The following CPQ variants were observed in gnomAD, a reference collection of about 807,000 sequenced individuals.
The protein encoded by CPQ is carboxypeptidase Q.
In CPQ, 37 loss-of-function variants were observed where a neutral mutation model predicts 45.7. The ratio of observed to expected loss-of-function variants is 0.81; its 90% CI spans 0.62 to 1.07. CPQ has a LOEUF of 1.07. CPQ is among the 50% of genes least tolerant of loss of function. The pLI is 0.00. For missense variants in CPQ, 537 were observed against 572.9 expected (o/e 0.94, Z 0.64); for synonymous variants, 186 against 205.8 (o/e 0.90, Z 0.82).
intron 7 of CPQ, among the ~76,000 whole-genome samples, chr8:97,127,139 A>G (rs1439949500): frequency 6.6e-6 from 1 of 152,196 alleles, no homozygotes. Context: ...AAAGGAACTA[A>G]CCATTTAAAG....
intron 4 of CPQ, among the ~76,000 whole-genome samples, chr8:96,881,832 A>T (rs1370119155): frequency 6.6e-6 from 1 of 152,246 alleles, no homozygotes; most frequent in African/African-American, 2.4e-5. Context: ...AGTGTTTGGC[A>T]CATCACAGCT....
At chr8:96,772,968 C>T (rs945866684) in intron 1 of CPQ, among the ~76,000 whole-genome samples, 2 of 152,042 alleles carry the variant, frequency 1.3e-5, no homozygotes, top group Non-Finnish European at 2.9e-5. Context: ...AGCAGAAATG[C>T]CACCCCATTT....
At chr8:96,724,632 C>A (rs538166396) in intron 1 of CPQ, among the ~76,000 whole-genome samples, 1 of 152,104 alleles carries the variant, frequency 6.6e-6, no homozygotes, top group Non-Finnish European at 1.5e-5. Flanking sequence ...AAAAGCATTC[C>A]ATGCTCATGA....
At chr8:96,751,747 G>A (rs1586386774) in intron 1 of CPQ, among the ~76,000 whole-genome samples, 3 of 151,896 alleles carry the variant, frequency 2.0e-5, no homozygotes, top group South Asian at 4.1e-4. Flanking sequence ...CCTAGATTTT[G>A]TTCTAGGTTT....
chr8:96,729,572 ACAT>A (rs1809883919), intron 1 of CPQ, among the ~76,000 whole-genome samples: 1 of 152,212 alleles, frequency 6.6e-6, no homozygotes, highest in Non-Finnish European at 1.5e-5. Flanking sequence ...GTCCATATAC[ACAT>A]CATCTGGATT....
chr8:96,783,936 T>C (rs1465571474), intron 1 of CPQ, among the ~76,000 whole-genome samples: 2 of 152,180 alleles, frequency 1.3e-5, no homozygotes, highest in Admixed American at 6.6e-5. Flanking sequence ...TGGACTGGTA[T>C]GGCCCACAAA....
At chr8:97,022,137 G>A (rs1809698966) in intron 5 of CPQ, among the ~76,000 whole-genome samples, 3 of 152,148 alleles carry the variant, frequency 2.0e-5, no homozygotes, top group African/African-American at 7.2e-5. Flanking sequence ...GTTGGGAAAG[G>A]ACACCCTATT....
At chr8:96,815,365 T>C (rs1811214666) in intron 2 of CPQ, among the ~76,000 whole-genome samples, 1 of 152,050 alleles carries the variant, frequency 6.6e-6, no homozygotes, top group Admixed American at 6.6e-5. Context: ...CCAAACAACA[T>C]TGCTGTGATT....
intron 4 of CPQ, among the ~76,000 whole-genome samples, chr8:96,961,819 G>A (rs1220249734): frequency 6.6e-6 from 1 of 152,176 alleles, no homozygotes; most frequent in Non-Finnish European, 1.5e-5. Context: ...AGGGTGAAAT[G>A]TTCTTCAGTA....
intron 3 of CPQ, among the ~76,000 whole-genome samples, chr8:96,841,714 G>T (rs1586422389): frequency 6.6e-6 from 1 of 152,284 alleles, no homozygotes; most frequent in East Asian, 1.9e-4. Flanking sequence ...TGTATTGACA[G>T]AGTATAGTGA....
intron 3 of CPQ, among the ~76,000 whole-genome samples, chr8:96,863,290 C>G (rs1811953531): frequency 6.6e-6 from 1 of 151,952 alleles, no homozygotes; most frequent in African/African-American, 2.4e-5. Context: ...AAACAAATGT[C>G]AGGAGCTTGG....
At chr8:96,972,982 C>T (rs1173669339) in intron 5 of CPQ, among the ~76,000 whole-genome samples, 2 of 152,098 alleles carry the variant, frequency 1.3e-5, no homozygotes, top group Non-Finnish European at 2.9e-5. Flanking sequence ...GTTTCTTTTA[C>T]ATCCCCCAAA....
intron 3 of CPQ, among the ~76,000 whole-genome samples, chr8:96,855,502 T>C (rs936724534): frequency 6.6e-6 from 1 of 152,162 alleles, no homozygotes; most frequent in Non-Finnish European, 1.5e-5. Flanking sequence ...ATTCATCCAT[T>C]CATTCATTCA....
chr8:96,962,920 T>C (rs563011350), intron 4 of CPQ, among the ~76,000 whole-genome samples: 1 of 152,310 alleles, frequency 6.6e-6, no homozygotes, highest in Non-Finnish European at 1.5e-5. Context: ...TAAAAAAATA[T>C]ACTAAAACAA....
intron 7 of CPQ, among the ~76,000 whole-genome samples, chr8:97,097,270 T>C (rs1374465429): frequency 2.0e-5 from 3 of 152,206 alleles, no homozygotes; most frequent in Non-Finnish European, 4.4e-5. Context: ...CTGAAGTTGA[T>C]AGTGGCCAAC....
At chr8:96,726,775 G>GGTGGCTTTTT (rs1809847811) in intron 1 of CPQ, among the ~76,000 whole-genome samples, 1 of 152,086 alleles carries the variant, frequency 6.6e-6, no homozygotes, top group Non-Finnish European at 1.5e-5. Flanking sequence ...GAGTGGGACT[G>GGTGGCTTTTT]GTGGCTTTTT....
intron 1 of CPQ, among the ~76,000 whole-genome samples, chr8:96,766,736 G>A (rs1026628350): frequency 6.6e-5 from 10 of 152,174 alleles, no homozygotes; most frequent in African/African-American, 1.2e-4. Context: ...AAATAGTACA[G>A]TATTCCCACT....
intron 4 of CPQ, among the ~76,000 whole-genome samples, chr8:96,889,026 A>G (rs1378429100): frequency 6.6e-6 from 1 of 152,180 alleles, no homozygotes; most frequent in Non-Finnish European, 1.5e-5. Context: ...CTGGATGTAA[A>G]CATCAGCCTT....
intron 5 of CPQ, among the ~76,000 whole-genome samples, chr8:97,005,004 A>T (rs1809355799): frequency 1.3e-5 from 2 of 152,252 alleles, no homozygotes; most frequent in Admixed American, 1.3e-4. Context: ...ATAAATTTTT[A>T]TGGGGCTGAA....
Sources: allele counts gnomAD v4.1 joint callset (sites outside exome capture counted in the v4.1 genomes callset), GRCh38; gene constraint gnomAD v4.1.1; transcripts MANE v1.5; gene names NCBI Gene and HGNC (gene_info 2026-07-23, HGNC 2026-07-21).